The following DENND1A variants were observed in gnomAD, a reference collection of about 807,000 sequenced individuals.
The protein encoded by DENND1A is DENN domain-containing protein 1A.
DENND1A carries 51 observed loss-of-function variants against 113.7 expected under a neutral mutation model. The observed-to-expected ratio is 0.45, with a 90% CI of 0.36 to 0.57. DENND1A has a LOEUF of 0.57. DENND1A is among the 20% of genes least tolerant of loss of function. The pLI is 0.00. For missense variants in DENND1A, 1,258 were observed against 1,395.9 expected (o/e 0.90, Z 1.57); for synonymous variants, 565 against 570.8 (o/e 0.99, Z 0.14).
intron 13 of DENND1A, among the ~76,000 whole-genome samples, chr9:123,474,715 T>G (rs1026668963): frequency 6.6e-6 from 1 of 152,254 alleles, no homozygotes; most frequent in Non-Finnish European, 1.5e-5. Flanking sequence ...TTTCTTCCTC[T>G]GTAAAATGGG....
At chr9:123,627,911 G>C (rs547993229) in intron 10 of DENND1A, among the ~76,000 whole-genome samples, 1 of 152,020 alleles carries the variant, frequency 6.6e-6, no homozygotes, top group African/African-American at 2.4e-5. Context: ...AGTGCTTTTC[G>C]GTCTATAAAG....
At chr9:123,656,748 G>A (rs1285215863) in intron 8 of DENND1A, among the ~76,000 whole-genome samples, 1 of 152,164 alleles carries the variant, frequency 6.6e-6, no homozygotes, top group African/African-American at 2.4e-5. Flanking sequence ...CACCATGGCT[G>A]AGCCTAAGTA....
At chr9:123,882,240 G>A (rs1243004636) in intron 1 of DENND1A, among the ~76,000 whole-genome samples, 2 of 150,996 alleles carry the variant, frequency 1.3e-5, no homozygotes, top group Non-Finnish European at 2.9e-5. Flanking sequence ...GGGATGCCCA[G>A]CTACTGGAGA....
At chr9:123,807,037 C>T (rs1175040173) in intron 2 of DENND1A, among the ~76,000 whole-genome samples, 8 of 152,268 alleles carry the variant, frequency 5.3e-5, no homozygotes, top group Admixed American at 3.9e-4. Flanking sequence ...GCAATATTTA[C>T]ATCACCATAA....
intron 2 of DENND1A, among the ~76,000 whole-genome samples, chr9:123,825,845 T>C (rs1839240546): frequency 1.3e-5 from 2 of 152,242 alleles, no homozygotes; most frequent in Non-Finnish European, 2.9e-5. Flanking sequence ...ACAGTGCCCT[T>C]CTCTGTGAAA....
chr9:123,765,614 A>G (rs1377282809), intron 4 of DENND1A, among the ~76,000 whole-genome samples: 2 of 152,200 alleles, frequency 1.3e-5, no homozygotes, highest in Non-Finnish European at 2.9e-5. Flanking sequence ...GAAAGAGGAT[A>G]AACACAAAAA....
At chr9:123,690,219 C>G (rs1457528638) in intron 5 of DENND1A, among the ~76,000 whole-genome samples, 1 of 151,882 alleles carries the variant, frequency 6.6e-6, no homozygotes, top group Non-Finnish European at 1.5e-5. Flanking sequence ...ATCATATATG[C>G]TCCTAGAAAG....
chr9:123,667,411 T>A (rs1336781811), intron 7 of DENND1A, among the ~76,000 whole-genome samples: 1 of 152,080 alleles, frequency 6.6e-6, no homozygotes, highest in African/African-American at 2.4e-5. Context: ...GGTCAGGAGT[T>A]CGAGACCAGC....
chr9:123,760,977 T>A (rs2070989168), intron 4 of DENND1A, among the ~76,000 whole-genome samples: 1 of 152,202 alleles, frequency 6.6e-6, no homozygotes, highest in African/African-American at 2.4e-5. Context: ...CTAGAATGTT[T>A]AAAATGAATA....
chr9:123,670,057 A>T (rs914897163), intron 7 of DENND1A, among the ~76,000 whole-genome samples: 2 of 152,196 alleles, frequency 1.3e-5, no homozygotes, highest in Admixed American at 6.5e-5. Flanking sequence ...CTATTTTGTA[A>T]ACTTGTTTTG....
At position 123,387,791 on chromosome 9, in the gene DENND1A, G is replaced by A. The variant is rs561702165; in HGVS notation, c.1699C>T (p.Arg567Trp). Residue 567 changes from arginine (R) to tryptophan (W), a missense_variant, in exon 22 of 24, where the codon CGG (arginine) becomes TGG (tryptophan). Arg to Trp is a moderately radical substitution (Grantham distance 101). This residue lies in a region of DENND1A where 1,159 missense variants were observed against 1,231.7 expected (regional missense o/e 0.94). Coordinates refer to ENST00000394215, the MANE Select transcript of DENND1A (RefSeq NM_001352964.2). ...AAGCCAGAGCTCGGGCCCTCTTCCC[G>A]CTGGCATTCATCATCAGAGGAGTCT... is the stretch of plus-strand genomic sequence containing the variant. ...SEDSSDDECQ[R>W]EEGPSSGFTE... is the part of the protein sequence containing the mutation. 9 of 1,289,966 alleles carry A rather than the reference G, an allele frequency of 7.0e-6. No homozygotes were observed. The highest frequency in any genetic ancestry group is 6.1e-6 in the Non-Finnish European group (6 of 988,904). 79.9% of individuals were successfully genotyped at this position (1,289,966 alleles called of 1,614,324 possible). A position where few individuals can be genotyped will look rare whatever the true frequency, so the allele number is the denominator to read the frequency against.
At chr9:123,397,660 A>G (rs553404026) in intron 21 of DENND1A, among the ~76,000 whole-genome samples, 20 of 152,370 alleles carry the variant, frequency 1.3e-4, no homozygotes, top group African/African-American at 4.8e-4. Context: ...TCTATAAAAG[A>G]CATGCAGGAT....
chr9:123,538,749 AGTGT>A (rs145062895), intron 13 of DENND1A, among the ~76,000 whole-genome samples: 7,412 of 90,796 alleles, frequency 0.082, 330 homozygotes, highest in Admixed American at 0.14. Flanking sequence ...TATGTGTGTG[AGTGT>A]GTGTGTGTGT....
At chr9:123,674,342 TCACACACA>T (rs546398875) in intron 6 of DENND1A, among the ~76,000 whole-genome samples, 2,614 of 132,336 alleles carry the variant, frequency 0.02, 33 homozygotes, top group South Asian at 0.027. Context: ...TGTCTCTCTC[TCACACACA>T]CACACACACA....
rs141711847 is a variant in DENND1A at position 123,813,851 on chromosome 9, A to G, written c.89-21221T>C. 5.3e-3 allele frequency among the ~76,000 whole-genome samples: 812 copies of G among 152,330 alleles called. 10 individuals are homozygous for G. The highest frequency in any genetic ancestry group is 0.039 in the South Asian group (190 of 4,824). On this transcript the variant is annotated intron_variant, in intron 2 of 23. Coordinates refer to ENST00000394215, the MANE Select transcript of DENND1A (RefSeq NM_001352964.2). ...CCCTCAAAATTCACAATCTCACATC[A>G]GTTTTCCACTCCTTTCCAAAACTTA...
chr9:123,536,041 T>G (rs2055737154), intron 13 of DENND1A, among the ~76,000 whole-genome samples: 1 of 152,184 alleles, frequency 6.6e-6, no homozygotes, highest in East Asian at 1.9e-4. Context: ...AAACTGACTA[T>G]ATAGCAAAAC....
intron 1 of DENND1A, among the ~76,000 whole-genome samples, chr9:123,914,227 T>C (rs992494259): frequency 1.3e-5 from 2 of 151,968 alleles, no homozygotes; most frequent in African/African-American, 4.8e-5. Flanking sequence ...CTGCCATTGC[T>C]ATAAAGTACC....
chr9:123,402,436 T>G (rs980182358), intron 21 of DENND1A: 7 of 513,252 alleles, frequency 1.4e-5, no homozygotes, highest in South Asian at 1.0e-4. Flanking sequence ...TTTTTTTCCT[T>G]CTTGCTCCAA....
chr9:123,881,574 T>G (rs1215507997), intron 1 of DENND1A, among the ~76,000 whole-genome samples: 2 of 152,234 alleles, frequency 1.3e-5, no homozygotes, highest in Non-Finnish European at 2.9e-5. Context: ...CTTTAGAGCT[T>G]CCCACATTTT....
Sources: gnomAD v4.1 joint callset for allele counts (sites outside exome capture counted in the v4.1 genomes callset) on GRCh38, gnomAD v4.1.1 for gene constraint, gnomAD v4.1.1 regional missense constraint, MANE v1.5 for transcripts, NCBI Gene and HGNC (gene_info 2026-07-23, HGNC 2026-07-21) for gene names.